The following ASTN2 variants were observed in gnomAD, a reference collection of about 807,000 sequenced individuals.
ASTN2 encodes astrotactin 2, also known as astrotactin-2.
A neutral mutation model predicts 139.8 loss-of-function variants in ASTN2; 54 were observed. That is an observed-to-expected ratio of 0.39 (90% CI 0.31 to 0.48). The LOEUF (loss-of-function observed/expected upper bound fraction) is 0.48, where lower values mean the gene tolerates loss of function less well. ASTN2 is among the 20% of genes least tolerant of loss of function. The pLI is 0.95. For missense variants in ASTN2, 1,565 were observed against 1,725.1 expected, an observed-to-expected ratio of 0.91 and a Z score of 1.64; for synonymous variants, 756 against 719.5, an observed-to-expected ratio of 1.05 and a Z score of -0.81.
intron 19 of ASTN2, among the ~76,000 whole-genome samples, chr9:116,523,537 G>A (rs1243321305): frequency 6.6e-6 from 1 of 152,114 alleles, no homozygotes; most frequent in Non-Finnish European, 1.5e-5. Flanking sequence ...CAAATGGAAG[G>A]TCATAATGCC....
In ASTN2 at chr9:117,328,434, G is replaced by A. The variant is rs529734973; in HGVS notation, c.443-36921C>T. 3.0e-3 allele frequency among the ~76,000 whole-genome samples: 461 copies of A among 152,276 alleles called. 1 individual carries two copies. The Middle Eastern group carries it at 0.031, about 10-fold the overall frequency. On this transcript the variant is annotated intron_variant, in intron 1 of 22. Coordinates refer to ENST00000313400, the MANE Select transcript of ASTN2 (RefSeq NM_001365068.1). ...TTCAGAGCTGCTGAGCTGAGTATCT[G>A]TAAACCTCTTGAATCATCTCTCTGC...
intron 7 of ASTN2, among the ~76,000 whole-genome samples, chr9:116,992,004 C>T (rs1331671954): frequency 4.6e-5 from 7 of 152,158 alleles, no homozygotes; most frequent in Admixed American, 4.6e-4. Flanking sequence ...AATGAGCGTA[C>T]CTGAGCACAT....
intron 3 of ASTN2, among the ~76,000 whole-genome samples, chr9:117,144,187 G>A (rs963652253): frequency 2.6e-5 from 4 of 152,116 alleles, no homozygotes; most frequent in African/African-American, 9.7e-5. Flanking sequence ...GGCATCTGCA[G>A]GCCAGGAAGA....
intron 3 of ASTN2, among the ~76,000 whole-genome samples, chr9:117,209,259 G>C (rs1832041195): frequency 6.6e-6 from 1 of 151,872 alleles, no homozygotes; most frequent in South Asian, 2.1e-4. Context: ...ATATAAACAG[G>C]ACAAAAGGAT....
chr9:117,123,895 T>C (rs185408377), intron 4 of ASTN2, among the ~76,000 whole-genome samples: 100 of 152,344 alleles, frequency 6.6e-4, no homozygotes, highest in Admixed American at 1.1e-3. Flanking sequence ...GCCATATTCT[T>C]TCCTCTCATC....
At chr9:117,334,484 C>T (rs116106655) in intron 1 of ASTN2, among the ~76,000 whole-genome samples, 10,775 of 140,472 alleles carry the variant, frequency 0.077, 533 homozygotes, top group Non-Finnish European at 0.11. Context: ...TATATCAGGG[C>T]TTTTTTTTTT....
chr9:117,311,002 A>G (rs1442780655), intron 1 of ASTN2, among the ~76,000 whole-genome samples: 1 of 152,044 alleles, frequency 6.6e-6, no homozygotes, highest in East Asian at 1.9e-4. Flanking sequence ...GATCAATTAT[A>G]TGCCCTTCAT....
chr9:117,199,100 T>G (rs1252833970), intron 3 of ASTN2, among the ~76,000 whole-genome samples: 2 of 152,234 alleles, frequency 1.3e-5, no homozygotes, highest in Non-Finnish European at 2.9e-5. Flanking sequence ...ATTCTAATGA[T>G]AGTTTCTTTT....
chr9:116,666,946 A>ATT (rs1858898817), intron 16 of ASTN2, among the ~76,000 whole-genome samples: 1 of 118,610 alleles, frequency 8.4e-6, no homozygotes, highest in African/African-American at 3.1e-5. Context: ...TTATTTATTT[A>ATT]TTCTTTTTTT....
At chr9:117,262,664 C>G (rs969713464) in intron 2 of ASTN2, among the ~76,000 whole-genome samples, 2 of 152,096 alleles carry the variant, frequency 1.3e-5, no homozygotes, top group Non-Finnish European at 2.9e-5. Flanking sequence ...AGTCTTTATA[C>G]TCAGAACCTG....
At chr9:117,128,039 T>C (rs940807842) in intron 4 of ASTN2, among the ~76,000 whole-genome samples, 1 of 151,906 alleles carries the variant, frequency 6.6e-6, no homozygotes, top group African/African-American at 2.4e-5. Context: ...ACGGATTGGT[T>C]TGGTCAGGGA....
At chr9:117,108,210 C>T (rs935984169) in intron 4 of ASTN2, among the ~76,000 whole-genome samples, 3 of 152,214 alleles carry the variant, frequency 2.0e-5, no homozygotes, top group South Asian at 2.1e-4. Context: ...TTAACTGTGG[C>T]CCTTGTTATT....
chr9:116,867,327 GAC>G (rs1833039598), intron 10 of ASTN2, among the ~76,000 whole-genome samples: 1 of 152,014 alleles, frequency 6.6e-6, no homozygotes, highest in African/African-American at 2.4e-5. Flanking sequence ...AATGCAGAAA[GAC>G]AGAATGAAAG....
intron 1 of ASTN2, among the ~76,000 whole-genome samples, chr9:117,296,480 G>T (rs3930626): frequency 0.37 from 55,624 of 151,754 alleles, 11,582 homozygotes; most frequent in East Asian, 0.56. Context: ...ACCAGTTCTT[G>T]AGATTCTCTG....
chr9:117,225,572 T>TAC lies in ASTN2; in HGVS notation c.631-10831_631-10830insGT, dbSNP rs1491062318. On this transcript the variant is annotated intron_variant, in intron 2 of 22. Coordinates refer to ENST00000313400, the MANE Select transcript of ASTN2 (RefSeq NM_001365068.1). Reference sequence around the variant, plus strand: ...ATATATATATATATATATATATATATATACAGATGAACCCAAGTGGCCAGA... The same window carrying TAC: ...ATATATATATATATATATATATATATACATACAGATGAACCCAAGTGGCCAGA... 2.9e-4 allele frequency among the ~76,000 whole-genome samples: 29 copies of TAC among 99,540 alleles called. 2 individuals carry two copies. Among genetic ancestry groups the TAC allele is most frequent in the Non-Finnish European group, 5.0e-4 (24 of 47,906 alleles). 65.3% of individuals were successfully genotyped at this position (99,540 alleles called of 152,430 possible).
intron 17 of ASTN2, among the ~76,000 whole-genome samples, chr9:116,641,573 A>C (rs1857330848): frequency 6.6e-6 from 1 of 152,200 alleles, no homozygotes; most frequent in Admixed American, 6.5e-5. Flanking sequence ...TTATTATTAA[A>C]AGGACAAGGG....
intron 19 of ASTN2, among the ~76,000 whole-genome samples, chr9:116,552,977 A>G (rs1345514736): frequency 2.6e-5 from 4 of 152,214 alleles, no homozygotes; most frequent in Non-Finnish European, 4.4e-5. Flanking sequence ...ACTGAAGGTG[A>G]AAAGACTCAC....
At chr9:116,545,277 A>G (rs1852044815) in intron 19 of ASTN2, among the ~76,000 whole-genome samples, 1 of 152,352 alleles carries the variant, frequency 6.6e-6, no homozygotes, top group Middle Eastern at 3.4e-3. Flanking sequence ...GGTTTTCTGT[A>G]ATTACACATG....
intron 10 of ASTN2, among the ~76,000 whole-genome samples, chr9:116,917,767 A>G (rs1834492051): frequency 6.6e-6 from 1 of 152,162 alleles, no homozygotes; most frequent in Non-Finnish European, 1.5e-5. Flanking sequence ...AAGTTTGTAA[A>G]ATTATTCTGA....
Sources: allele counts gnomAD v4.1 joint callset (sites outside exome capture counted in the v4.1 genomes callset), GRCh38; gene constraint gnomAD v4.1.1; transcripts MANE v1.5; gene names NCBI Gene and HGNC (gene_info 2026-07-23, HGNC 2026-07-21).